The following SNTB2 variants were observed in gnomAD, a reference collection of about 807,000 sequenced individuals.
SNTB2 encodes the protein syntrophin beta 2.
Under a neutral mutation model 46.2 loss-of-function variants are expected in SNTB2, and 34 were observed. That is an observed-to-expected ratio of 0.74 (90% CI 0.56 to 0.98). The LOEUF is 0.98. Among genes scored for constraint, SNTB2 ranks in the 50% least tolerant of loss-of-function variants. The pLI, the probability that SNTB2 is intolerant of heterozygous loss-of-function variation, is 0.00. For missense variants in SNTB2, 603 were observed against 731.4 expected (o/e 0.82, Z 2.02); for synonymous variants, 290 against 312.6 (o/e 0.93, Z 0.76).
At chr16:69,187,803 C>A in intron 1 of SNTB2, 57 bp downstream of exon 1, 1 of 1,316,802 alleles carries the variant, frequency 7.6e-7, no homozygotes, top group Non-Finnish European at 9.8e-7. Flanking sequence ...CTCGCGGGAG[C>A]TCACTTTGTT....
At chr16:69,259,439 T>C (rs906655703) in intron 2 of SNTB2, among the ~76,000 whole-genome samples, 2 of 151,404 alleles carry the variant, frequency 1.3e-5, no homozygotes, top group South Asian at 4.2e-4. Flanking sequence ...TTCACTGTGT[T>C]GGCCAGACTG....
chr16:69,251,503 G>C (rs1397123106), intron 2 of SNTB2, among the ~76,000 whole-genome samples: 1 of 148,092 alleles, frequency 6.8e-6, no homozygotes, highest in East Asian at 2.0e-4. Flanking sequence ...ACTAGGCCAG[G>C]CACAGTGGCT....
At chr16:69,207,142 T>TTTTCTTTC in intron 1 of SNTB2, among the ~76,000 whole-genome samples, 1 of 142,204 alleles carries the variant, frequency 7.0e-6, no homozygotes, top group East Asian at 2.0e-4. Flanking sequence ...TTTTCTTTTC[T>TTTTCTTTC]TTTCTTTCTT....
intron 5 of SNTB2, among the ~76,000 whole-genome samples, chr16:69,284,621 A>C (rs1965084115): frequency 6.6e-6 from 1 of 152,060 alleles, no homozygotes; most frequent in South Asian, 2.1e-4. Flanking sequence ...TAAAACACAA[A>C]AAATTAGCCA....
intron 1 of SNTB2, among the ~76,000 whole-genome samples, chr16:69,193,460 C>T (rs1479587886): frequency 3.3e-5 from 5 of 150,576 alleles, no homozygotes; most frequent in Non-Finnish European, 7.4e-5. Flanking sequence ...TCCCAAGTAG[C>T]TTGGATTACT....
chr16:69,234,892 G>A (rs906954237), intron 1 of SNTB2, among the ~76,000 whole-genome samples: 2 of 151,864 alleles, frequency 1.3e-5, no homozygotes, highest in African/African-American at 2.4e-5. Context: ...TAGTAGAGAC[G>A]GGGTTTCACC....
chr16:69,216,021 AC>A (rs1964343540), intron 1 of SNTB2, among the ~76,000 whole-genome samples: 2 of 152,086 alleles, frequency 1.3e-5, no homozygotes, highest in Non-Finnish European at 2.9e-5. Flanking sequence ...TTACCATGTT[AC>A]CCAGGCTGGT....
intron 1 of SNTB2, among the ~76,000 whole-genome samples, chr16:69,219,023 C>A (rs950149617): frequency 6.6e-6 from 1 of 152,138 alleles, no homozygotes; most frequent in Admixed American, 6.6e-5. Context: ...GGAATGGTTA[C>A]CAGTAACTGC....
chr16:69,257,047 T>C (rs1290498654), intron 2 of SNTB2, among the ~76,000 whole-genome samples: 1 of 151,964 alleles, frequency 6.6e-6, no homozygotes, highest in Non-Finnish European at 1.5e-5. Flanking sequence ...GGCATGTACC[T>C]GTAATCCCAG....
rs766076673 is a variant in SNTB2 at position 69,245,608 on chromosome 16, T to C, written c.587T>C (p.Phe196Ser). 6.2e-7 allele frequency: 1 copy of C among 1,613,772 alleles called. No individual in the cohort carries two copies. The highest frequency in any genetic ancestry group is 1.1e-5 in the South Asian group (1 of 91,034). ...AGKEVLLEVK[F>S]IREVTPYIKK... ...TTGATTTTTTTGTTCATAGTCAAGT[T>C]CATCCGAGAAGTAACACCATATATC... is the stretch of plus-strand genomic sequence containing the variant. The change falls in exon 2 of 7, where the codon TTC (phenylalanine) becomes TCC (serine). Residue 196 changes from phenylalanine (F) to serine (S), a missense_variant. Transcript: ENST00000336278.
chr16:69,189,186 T>G (rs1964025318), intron 1 of SNTB2, among the ~76,000 whole-genome samples: 1 of 152,162 alleles, frequency 6.6e-6, no homozygotes, highest in South Asian at 2.1e-4. Context: ...CTTTATAATA[T>G]CCTATTTATA....
At chr16:69,270,094 A>G in intron 3 of SNTB2, 49 bp from the exon 4 acceptor site, 1 of 1,610,546 alleles carries the variant, frequency 6.2e-7, no homozygotes, top group Non-Finnish European at 8.5e-7. Context: ...ACTTTTACAA[A>G]GACGTGATTA....
At chr16:69,281,937 C>T (rs1489656641) in intron 4 of SNTB2, among the ~76,000 whole-genome samples, 1 of 142,660 alleles carries the variant, frequency 7.0e-6, no homozygotes, top group African/African-American at 2.6e-5. Context: ...GGGAGTCTCG[C>T]TCTTGTTGCC....
At chr16:69,297,073 G>A (rs888639524) in intron 5 of SNTB2, among the ~76,000 whole-genome samples, 1 of 151,752 alleles carries the variant, frequency 6.6e-6, no homozygotes, top group Admixed American at 6.6e-5. Flanking sequence ...GGGAGACCGA[G>A]GCAAGTGGGT....
chr16:69,223,641 T>G (rs995234338), intron 1 of SNTB2, among the ~76,000 whole-genome samples: 1 of 152,122 alleles, frequency 6.6e-6, no homozygotes, highest in South Asian at 2.1e-4. Context: ...GTTTTGTTTT[T>G]TTTTTGAGAC....
chr16:69,200,309 A>G (rs1964149635), intron 1 of SNTB2, among the ~76,000 whole-genome samples: 1 of 152,222 alleles, frequency 6.6e-6, no homozygotes, highest in Non-Finnish European at 1.5e-5. Flanking sequence ...TTTCTTTTAC[A>G]GAAATGTAAT....
intron 1 of SNTB2, among the ~76,000 whole-genome samples, chr16:69,213,506 A>ATT (rs5817662): frequency 1.3e-5 from 2 of 148,404 alleles, no homozygotes; most frequent in Admixed American, 1.4e-4. Flanking sequence ...TATTCTTCTT[A>ATT]TTTTTTTTTT....
chr16:69,192,475 A>G (rs1262470604), intron 1 of SNTB2, among the ~76,000 whole-genome samples: 1 of 152,220 alleles, frequency 6.6e-6, no homozygotes, highest in Non-Finnish European at 1.5e-5. Context: ...CACTTAAGCC[A>G]TGTAACTGTC....
At chr16:69,245,354 C>T (rs888005062) in intron 1 of SNTB2, among the ~76,000 whole-genome samples, 3 of 152,060 alleles carry the variant, frequency 2.0e-5, no homozygotes, top group Non-Finnish European at 2.9e-5. Flanking sequence ...CCACCACGCT[C>T]ACCTAATTTT....
Sources: allele counts gnomAD v4.1 joint callset (sites outside exome capture counted in the v4.1 genomes callset), GRCh38; gene constraint gnomAD v4.1.1; transcripts MANE v1.5; gene names NCBI Gene and HGNC (gene_info 2026-07-23, HGNC 2026-07-21).